CHSY3: variants seen among roughly 807,000 people sequenced by gnomAD.
CHSY3 encodes chondroitin sulfate synthase 3, also known as N-acetylgalactosaminyl-proteoglycan 3-beta-glucuronosyltransferase 3.
CHSY3 carries 35 observed loss-of-function variants against 67.2 expected under a neutral mutation model. The ratio of observed to expected loss-of-function variants is 0.52; its 90% CI spans 0.40 to 0.69. CHSY3 has a LOEUF of 0.69. CHSY3 is among the 30% of genes least tolerant of loss of function. The pLI is 0.00. For missense variants in CHSY3, 1,069 were observed against 1,138.5 expected (o/e 0.94, Z 0.88); for synonymous variants, 474 against 434.7 (o/e 1.09, Z -1.12).
chr5:130,023,838 A>T (rs1424901925), intron 2 of CHSY3, among the ~76,000 whole-genome samples: 1 of 151,946 alleles, frequency 6.6e-6, no homozygotes, highest in African/African-American at 2.4e-5. Context: ...GTTTAGCCTC[A>T]GATAGGAGGA....
intron 2 of CHSY3, among the ~76,000 whole-genome samples, chr5:130,089,982 A>G (rs61210706): frequency 0.13 from 19,601 of 152,182 alleles, 1,824 homozygotes; most frequent in African/African-American, 0.26. Flanking sequence ...AACACAGTAG[A>G]GGGAACGCAT....
chr5:130,147,802 T>C (rs1315970540), intron 2 of CHSY3, among the ~76,000 whole-genome samples: 2 of 152,236 alleles, frequency 1.3e-5, no homozygotes, highest in East Asian at 3.9e-4. Context: ...TAATACACAA[T>C]TTTATTTTAT....
At position 129,962,981 on chromosome 5, in the gene CHSY3, T is replaced by G. The variant is rs542529742; in HGVS notation, c.1086+54621T>G. ...GTTATGTTTTATATTCTGCTCCTGGTGTTCTAGTAACTTCAGGGTGGTTGC... is the reference window on the plus strand; with the variant it reads ...GTTATGTTTTATATTCTGCTCCTGGGGTTCTAGTAACTTCAGGGTGGTTGC... On this transcript the variant is annotated intron_variant, in intron 2 of 2. Coordinates refer to ENST00000305031, the MANE Select transcript of CHSY3 (RefSeq NM_175856.5). Among the ~76,000 whole-genome samples, 413 of 152,094 alleles carry G rather than the reference T, an allele frequency of 2.7e-3. 2 individuals carry two copies. The highest frequency in any genetic ancestry group is 9.5e-3 in the African/African-American group (395 of 41,542).
chr5:130,055,159 T>A (rs955288009), intron 2 of CHSY3, among the ~76,000 whole-genome samples: 2 of 152,122 alleles, frequency 1.3e-5, no homozygotes, highest in South Asian at 2.1e-4. Context: ...CTGATCCCCA[T>A]CTTGAGGCAA....
chr5:130,133,345 T>C (rs1164002690), intron 2 of CHSY3, among the ~76,000 whole-genome samples: 1 of 152,192 alleles, frequency 6.6e-6, no homozygotes, highest in Non-Finnish European at 1.5e-5. Flanking sequence ...TAGATACTCA[T>C]GACTACCGGG....
At chr5:130,168,936 C>G (rs1398257198) in intron 2 of CHSY3, among the ~76,000 whole-genome samples, 1 of 151,996 alleles carries the variant, frequency 6.6e-6, no homozygotes, top group Non-Finnish European at 1.5e-5. Flanking sequence ...GTTGCTCTAT[C>G]TATAGTAACT....
intron 2 of CHSY3, among the ~76,000 whole-genome samples, chr5:130,029,880 A>G (rs1459360372): frequency 1.3e-5 from 2 of 152,114 alleles, no homozygotes; most frequent in Non-Finnish European, 2.9e-5. Flanking sequence ...GTTGAAGTCC[A>G]AAGACTTCTT....
intron 2 of CHSY3, among the ~76,000 whole-genome samples, chr5:130,041,771 G>C (rs1765012420): frequency 6.6e-6 from 1 of 152,040 alleles, no homozygotes; most frequent in Non-Finnish European, 1.5e-5. Context: ...TATAAACAAT[G>C]TAATAATGAG....
chr5:130,095,737 G>C (rs1207100587), intron 2 of CHSY3, among the ~76,000 whole-genome samples: 2 of 152,190 alleles, frequency 1.3e-5, no homozygotes, highest in African/African-American at 4.8e-5. Context: ...GCAAAAACAG[G>C]ATATTTGCAT....
intron 2 of CHSY3, among the ~76,000 whole-genome samples, chr5:130,122,188 T>C (rs1768057364): frequency 1.3e-5 from 2 of 152,238 alleles, no homozygotes; most frequent in East Asian, 3.8e-4. Context: ...CATACATGCA[T>C]ACATGTGGAA....
chr5:129,988,624 C>CTGAA (rs926151843), intron 2 of CHSY3, among the ~76,000 whole-genome samples: 8 of 152,116 alleles, frequency 5.3e-5, no homozygotes, highest in Non-Finnish European at 1.0e-4. Context: ...GTAAATATTT[C>CTGAA]TGAATGAATG....
intron 2 of CHSY3, among the ~76,000 whole-genome samples, chr5:129,943,648 A>G (rs1026163613): frequency 2.0e-5 from 3 of 152,192 alleles, no homozygotes; most frequent in African/African-American, 4.8e-5. Flanking sequence ...ATAAAATTTC[A>G]TGAAGGGTAG....
chr5:129,955,838 G>C (rs577537092), intron 2 of CHSY3, among the ~76,000 whole-genome samples: 32 of 152,242 alleles, frequency 2.1e-4, no homozygotes, highest in African/African-American at 7.0e-4. Context: ...ATGGCTTCCA[G>C]CTCCATCCAT....
At chr5:130,071,993 C>CT in intron 2 of CHSY3, among the ~76,000 whole-genome samples, 1 of 152,044 alleles carries the variant, frequency 6.6e-6, no homozygotes, top group East Asian at 1.9e-4. Context: ...ATTCATGTCT[C>CT]TTTTTTTGAG....
intron 1 of CHSY3, among the ~76,000 whole-genome samples, chr5:129,906,215 C>T (rs2149573221): frequency 6.6e-6 from 1 of 152,218 alleles, no homozygotes; most frequent in South Asian, 2.1e-4. Flanking sequence ...CTCAACTCTC[C>T]ACATACTGGG....
chr5:130,028,850 A>AT (rs1299442567), intron 2 of CHSY3, among the ~76,000 whole-genome samples: 1 of 150,710 alleles, frequency 6.6e-6, no homozygotes, highest in African/African-American at 2.4e-5. Context: ...TCTCATTATC[A>AT]TTCTCTTGCT....
chr5:129,938,946 G>T (rs1761604672), intron 2 of CHSY3, among the ~76,000 whole-genome samples: 1 of 152,036 alleles, frequency 6.6e-6, no homozygotes, highest in South Asian at 2.1e-4. Context: ...CAATACTCTG[G>T]TACCAATTTT....
At position 129,947,909 on chromosome 5, in the gene CHSY3, T is replaced by A. The variant is rs533675127; in HGVS notation, c.1086+39549T>A. Among the ~76,000 whole-genome samples, 4 of 152,326 alleles carry A rather than the reference T, an allele frequency of 2.6e-5. No individual in the cohort carries two copies. In the East Asian group the frequency reaches 7.7e-4, roughly 29 times the overall value. ...ATACCTGTTGGCTATTTGTATGTCT[T>A]CTTTGGGAAAATATCTATGTTCTTT... On this transcript the variant is annotated intron_variant, in intron 2 of 2. Transcript: ENST00000305031.
At chr5:130,026,110 C>A (rs560359536) in intron 2 of CHSY3, among the ~76,000 whole-genome samples, 1 of 152,080 alleles carries the variant, frequency 6.6e-6, no homozygotes, top group Non-Finnish European at 1.5e-5. Flanking sequence ...GACCATGTTA[C>A]CAAGGAGAGT....
Sources: allele counts gnomAD v4.1 joint callset (sites outside exome capture counted in the v4.1 genomes callset), GRCh38; gene constraint gnomAD v4.1.1; transcripts MANE v1.5; gene names NCBI Gene and HGNC (gene_info 2026-07-23, HGNC 2026-07-21).